ZBTB7B: variants seen among roughly 807,000 people sequenced by gnomAD.
The protein encoded by ZBTB7B is zinc finger and BTB domain-containing protein 7B.
Under a neutral mutation model 31.0 loss-of-function variants are expected in ZBTB7B, and 8 were observed. The observed-to-expected ratio is 0.26, with a 90% CI of 0.15 to 0.47. ZBTB7B has a LOEUF of 0.47. Ranked by LOEUF, ZBTB7B falls within the 20% of genes least tolerant of loss-of-function variation. ZBTB7B has a pLI of 0.99. For synonymous variants in ZBTB7B, 261 were observed against 307.3 expected, an observed-to-expected ratio of 0.85 and a Z score of 1.58; for missense variants, 494 against 742.4, an observed-to-expected ratio of 0.67 and a Z score of 3.89.
In ZBTB7B at chr1:155,004,835, C is replaced by T. The variant is rs973714315; in HGVS notation, c.-7+1892C>T. ...TGCTGGCACCCCCAGACACTGTCCC[C>T]TCCCTTGGGTACCACACACCCCCAG... On this transcript the variant is annotated intron_variant, in intron 1 of 2. Coordinates refer to ENST00000535420, the MANE Select transcript of ZBTB7B (RefSeq NM_001256455.2). This position sits in a 1 kb window ranked among gnomAD's most constrained non-coding sequence, Gnocchi z 4.0. Among the ~76,000 whole-genome samples, 5 of 152,062 alleles carry T rather than the reference C, an allele frequency of 3.3e-5. No homozygotes were observed. The highest frequency in any genetic ancestry group is 5.9e-5 in the Non-Finnish European group (4 of 67,990).
rs1658380512 is a variant in ZBTB7B, at chr1:155,003,610, G to C, written c.-7+667G>C. On this transcript the variant is annotated intron_variant, in intron 1 of 2. Coordinates refer to ENST00000535420, the MANE Select transcript of ZBTB7B (RefSeq NM_001256455.2). The surrounding 1 kb of genome is among the most constrained non-coding windows in gnomAD (Gnocchi z 5.8). ...CCTTCCTTCAGGCTCCAGTCCCGCC[G>C]CTACCTTTTCCACGCCAGCTCATGA... 6.6e-6 allele frequency among the ~76,000 whole-genome samples: 1 copy of C among 152,138 alleles called. No homozygotes were observed. Among genetic ancestry groups the C allele is most frequent in the Admixed American group, 6.5e-5 (1 of 15,278 alleles).
At chr1:155,008,048 G>A (rs940093935) in intron 1 of ZBTB7B, among the ~76,000 whole-genome samples, 2 of 152,094 alleles carry the variant, frequency 1.3e-5, no homozygotes, top group Non-Finnish European at 2.9e-5. Context: ...AGGCCCAGGC[G>A]GGTCCCACCC....
At chr1:155,012,783 G>T (rs957892852) in intron 1 of ZBTB7B, among the ~76,000 whole-genome samples, 1 of 150,388 alleles carries the variant, frequency 6.6e-6, no homozygotes, top group African/African-American at 2.5e-5. Flanking sequence ...GAAATTTGTG[G>T]CTTGACTCCC....
At chr1:155,008,233 C>T (rs901760589) in intron 1 of ZBTB7B, among the ~76,000 whole-genome samples, 7 of 152,202 alleles carry the variant, frequency 4.6e-5, no homozygotes, top group African/African-American at 1.2e-4. Context: ...GGCATGAGTG[C>T]TGCCCCCTGG....
At chr1:155,012,142 C>A (rs930309017) in intron 1 of ZBTB7B, among the ~76,000 whole-genome samples, 1 of 152,162 alleles carries the variant, frequency 6.6e-6, no homozygotes, top group Non-Finnish European at 1.5e-5. Flanking sequence ...GCGTGGTGAA[C>A]GAGCCTGAGC....
Position 155,016,628 on chromosome 1 carries a change from T to G in ZBTB7B, c.1563T>G (p.Asp521Glu), listed in dbSNP as rs1344097619. 6.2e-6 allele frequency: 10 copies of G among 1,608,418 alleles called. No homozygotes were observed. Among genetic ancestry groups the G allele is most frequent in the Non-Finnish European group, 8.5e-6 (10 of 1,176,882 alleles). The change falls in exon 3 of 3, where the codon GAT (aspartate) becomes GAG (glutamate). Residue 521 changes from aspartate (D) to glutamate (E), a missense_variant. Coordinates refer to ENST00000535420, the MANE Select transcript of ZBTB7B (RefSeq NM_001256455.2). The surrounding 1 kb of genome is among the most constrained non-coding windows in gnomAD (Gnocchi z 4.3). The part of the protein sequence containing the change: ...PVSTPGPPDD[D>E]EEEGAPTTPQ... Reference sequence around the variant, plus strand: ...CTACCCCAGGGCCCCCTGATGACGATGAGGAGGAAGGGGCACCCACCACAC... The same window carrying G: ...CTACCCCAGGGCCCCCTGATGACGAGGAGGAGGAAGGGGCACCCACCACAC...
chr1:155,003,418 G>A lies in ZBTB7B; in HGVS notation c.-7+475G>A, dbSNP rs892283541. 2.0e-5 allele frequency among the ~76,000 whole-genome samples: 3 copies of A among 152,212 alleles called. No individual in the cohort carries two copies. Among genetic ancestry groups the A allele is most frequent in the Non-Finnish European group, 4.4e-5 (3 of 68,020 alleles). On this transcript the variant is annotated intron_variant, in intron 1 of 2. Transcript: ENST00000535420. The surrounding 1 kb of genome is among the most constrained non-coding windows in gnomAD (Gnocchi z 5.8). ...TTGGCCCCAGGCCAGTTGCATGGGG[G>A]TTGGGGGGGCGCAGGAGGAGCCGCG...
intron 1 of ZBTB7B, chr1:155,013,918 G>A (rs1021232238): frequency 4.2e-6 from 2 of 481,810 alleles, no homozygotes; most frequent in African/African-American, 4.2e-5. Flanking sequence ...GGGGGATCTA[G>A]AAGGGGAGAT....
Position 155,017,720 on chromosome 1 carries a change from G to A in ZBTB7B, c.*1035G>A, listed in dbSNP as rs1659571020. 1.3e-5 allele frequency: 2 copies of A among 152,500 alleles called. No homozygotes were observed. Among genetic ancestry groups the A allele is most frequent in the Non-Finnish European group, 1.5e-5 (1 of 68,128 alleles). 9.4% of individuals were successfully genotyped at this position (152,500 alleles called of 1,614,324 possible). On this transcript the variant is annotated 3_prime_UTR_variant, in exon 3 of 3. Transcript: ENST00000535420. ...CCCCCCGCGGCCACTGGAGCGAGCT[G>A]TCTTCACGCTCCTCATCCACCCCAG...
intron 1 of ZBTB7B, among the ~76,000 whole-genome samples, chr1:155,007,473 C>G (rs1222363962): frequency 6.6e-6 from 1 of 152,202 alleles, no homozygotes; most frequent in African/African-American, 2.4e-5. Flanking sequence ...GAGGTTGGCA[C>G]CTGGTGGTAG....
intron 1 of ZBTB7B, chr1:155,011,111 G>GC (rs1227289384): frequency 5.3e-6 from 6 of 1,137,600 alleles, no homozygotes; most frequent in Non-Finnish European, 5.1e-6. Context: ...TCCGCCTGCT[G>GC]CCCCCCACAC....
intron 1 of ZBTB7B, among the ~76,000 whole-genome samples, chr1:155,008,879 C>CG (rs1298662843): frequency 6.6e-6 from 1 of 151,634 alleles, no homozygotes; most frequent in African/African-American, 2.4e-5. Context: ...GGAGCTGGAG[C>CG]GGGGAACAGC....
intron 1 of ZBTB7B, chr1:155,010,258 G>A (rs538737447): frequency 2.0e-5 from 3 of 152,964 alleles, no homozygotes; most frequent in Admixed American, 1.3e-4. Flanking sequence ...CTCATTTCAG[G>A]AGCCCCAGAA....
chr1:155,003,760 A>G lies in ZBTB7B; in HGVS notation c.-7+817A>G, dbSNP rs1039455891. Among the ~76,000 whole-genome samples, 3 of 152,120 alleles carry G rather than the reference A, an allele frequency of 2.0e-5. No homozygotes were observed. Among genetic ancestry groups the G allele is most frequent in the African/African-American group, 7.2e-5 (3 of 41,416 alleles). ...GGGGTCGCTACTGTGTTGTTGTAGA[A>G]CCTACAGAGTGCGCCTGGCAGAAGG... On this transcript the variant is annotated intron_variant, in intron 1 of 2. Coordinates refer to ENST00000535420, the MANE Select transcript of ZBTB7B (RefSeq NM_001256455.2). The surrounding 1 kb of genome is among the most constrained non-coding windows in gnomAD (Gnocchi z 5.8).
chr1:155,013,417 C>G (rs924713416), intron 1 of ZBTB7B, among the ~76,000 whole-genome samples: 8 of 152,238 alleles, frequency 5.3e-5, no homozygotes, highest in East Asian at 1.9e-4. Context: ...ACTTCCACCC[C>G]CTCCTTGCAC....
intron 2 of ZBTB7B, 47 bp downstream of exon 2, chr1:155,015,861 A>G (rs1185301868): frequency 1.3e-6 from 2 of 1,580,722 alleles, no homozygotes; most frequent in Non-Finnish European, 1.7e-6. Context: ...TGGGTAGGGG[A>G]CAGGGTGGGA....
At position 155,018,111 on chromosome 1, in the gene ZBTB7B, G is replaced by A. The variant is rs1028136915; in HGVS notation, c.*1426G>A. On this transcript the variant is annotated 3_prime_UTR_variant, in exon 3 of 3. Transcript: ENST00000535420. ...CGGCTCCTCCCCCTCCTTAAAAGGG[G>A]CAGGTTCAGGGGCCCGGTGCTCTTC... 3 of 181,794 alleles carry A rather than the reference G, an allele frequency of 1.7e-5. No individual in the cohort carries two copies. Among genetic ancestry groups the A allele is most frequent in the Admixed American group, 1.6e-4 (3 of 18,296 alleles). The allele number at this position is 181,794 out of a possible 1,614,324, so 11.3% of individuals were successfully genotyped here.
At chr1:155,005,068 C>T (rs1402348492) in intron 1 of ZBTB7B, among the ~76,000 whole-genome samples, 3 of 152,158 alleles carry the variant, frequency 2.0e-5, no homozygotes, top group Non-Finnish European at 1.5e-5. Context: ...CCCCTGGCAC[C>T]CAGGGCCCCC....
chr1:155,009,581 G>C (rs1658809409), intron 1 of ZBTB7B, among the ~76,000 whole-genome samples: 1 of 152,116 alleles, frequency 6.6e-6, no homozygotes, highest in African/African-American at 2.4e-5. Flanking sequence ...CTGACGGGCA[G>C]AGAGGCACAG....
Sources: allele counts gnomAD v4.1 joint callset (sites outside exome capture counted in the v4.1 genomes callset), GRCh38; gene constraint gnomAD v4.1.1; non-coding constraint Gnocchi (gnomAD v3.1); transcripts MANE v1.5; gene names NCBI Gene and HGNC (gene_info 2026-07-23, HGNC 2026-07-21).